UNC5C: variants seen among roughly 807,000 people sequenced by gnomAD.
The protein encoded by UNC5C is unc-5 netrin receptor C.
UNC5C carries 47 observed loss-of-function variants against 99.8 expected under a neutral mutation model. The observed-to-expected ratio is 0.47, with a 90% CI of 0.37 to 0.60. The LOEUF is 0.60. Ranked by LOEUF, UNC5C falls within the 20% of genes least tolerant of loss-of-function variation. The pLI is 0.00. For synonymous variants in UNC5C, 487 were observed against 452.2 expected (o/e 1.08, Z -0.98); for missense variants, 1,062 against 1,165.9 (o/e 0.91, Z 1.30).
At chr4:95,169,918 G>A (rs1429703605) in intron 15 of UNC5C, among the ~76,000 whole-genome samples, 1 of 152,190 alleles carries the variant, frequency 6.6e-6, no homozygotes, top group Non-Finnish European at 1.5e-5. Flanking sequence ...GCTTGGCAAA[G>A]TGCATCACAA....
At chr4:95,251,092 C>G (rs1405932457) in intron 4 of UNC5C, among the ~76,000 whole-genome samples, 2 of 152,268 alleles carry the variant, frequency 1.3e-5, no homozygotes, top group Non-Finnish European at 2.9e-5. Context: ...TGGCAACTTA[C>G]CTGCTGCTTT....
chr4:95,165,133 G>C lies in UNC5C; in HGVS notation c.*4101C>G, dbSNP rs1296221634. On this transcript the variant is annotated 3_prime_UTR_variant, in exon 16 of 16. Transcript: ENST00000453304. ...TTTGCCAGGAGAAGTGAAAAGTCTTGATTCCACCCTCAAAACGTTGACTTT... is the reference window on the plus strand; with the variant it reads ...TTTGCCAGGAGAAGTGAAAAGTCTTCATTCCACCCTCAAAACGTTGACTTT... 1 of 152,126 alleles carries C rather than the reference G, an allele frequency of 6.6e-6. No homozygotes were observed. Among genetic ancestry groups the C allele is most frequent in the Admixed American group, 6.6e-5 (1 of 15,266 alleles). The allele number at this position is 152,126 out of a possible 1,614,324, so 9.4% of individuals were successfully genotyped here.
intron 10 of UNC5C, chr4:95,215,922 A>G: frequency 2.3e-6 from 1 of 442,620 alleles, no homozygotes; most frequent in Non-Finnish European, 4.0e-6. Context: ...CCTTCTACCC[A>G]TATTCAAGAT....
intron 7 of UNC5C, among the ~76,000 whole-genome samples, chr4:95,221,185 G>A (rs774096648): frequency 6.6e-6 from 1 of 152,176 alleles, no homozygotes; most frequent in Non-Finnish European, 1.5e-5. Flanking sequence ...ACATTTTTAA[G>A]TCTCTGTTTT....
At chr4:95,452,181 C>T (rs1365709364) in intron 1 of UNC5C, among the ~76,000 whole-genome samples, 2 of 152,032 alleles carry the variant, frequency 1.3e-5, no homozygotes, top group East Asian at 1.9e-4. Context: ...GAAAAGTACT[C>T]GTTAACAAGA....
In UNC5C at chr4:95,534,506, T is replaced by C. The variant is rs1406417537; in HGVS notation, c.124+14228A>G. ...TTCTTTGTAGCTGAAAGGTTTTTTC[T>C]TTATTCATATTATTTTTCAAAATAA... On this transcript the variant is annotated intron_variant, in intron 1 of 15. Transcript: ENST00000453304. Among the ~76,000 whole-genome samples the C allele has an allele frequency of 3.3e-5, 5 of 152,292 alleles. No individual in the cohort carries two copies. In the East Asian group the frequency reaches 9.6e-4, roughly 29 times the overall value.
chr4:95,253,758 T>A (rs1739845739), intron 4 of UNC5C, among the ~76,000 whole-genome samples: 1 of 152,128 alleles, frequency 6.6e-6, no homozygotes, highest in Non-Finnish European at 1.5e-5. Context: ...GCCAGCCATA[T>A]CACAGCACTC....
At chr4:95,367,655 T>C (rs936251550) in intron 1 of UNC5C, among the ~76,000 whole-genome samples, 1 of 152,180 alleles carries the variant, frequency 6.6e-6, no homozygotes, top group African/African-American at 2.4e-5. Flanking sequence ...ATATTAATTA[T>C]GTTACCTTGA....
chr4:95,182,754 T>C, intron 14 of UNC5C, 143 bp downstream of exon 14: 1 of 821,812 alleles, frequency 1.2e-6, no homozygotes, highest in East Asian at 2.7e-5. Flanking sequence ...ATTACAAATA[T>C]TATTCTATTA....
chr4:95,331,810 T>G (rs1341436665), intron 2 of UNC5C, among the ~76,000 whole-genome samples: 1 of 152,124 alleles, frequency 6.6e-6, no homozygotes, highest in Non-Finnish European at 1.5e-5. Flanking sequence ...TGTGGGTGTG[T>G]TACCAACATA....
intron 4 of UNC5C, among the ~76,000 whole-genome samples, chr4:95,257,742 T>A (rs1468344891): frequency 6.6e-6 from 1 of 152,244 alleles, no homozygotes; most frequent in African/African-American, 2.4e-5. Context: ...GTTTTTCTCT[T>A]AAAGTTTTGA....
chr4:95,335,596 G>A lies in UNC5C; in HGVS notation c.160C>T (p.Pro54Ser), dbSNP rs754219253. The A allele has an allele frequency of 4.3e-6, 7 of 1,610,438 alleles. No individual in the cohort carries two copies. The highest frequency in any genetic ancestry group is 2.7e-5 in the African/African-American group (2 of 74,724). Residue 54 changes from proline to serine, a missense_variant, in exon 2 of 16, where the codon CCT (proline) becomes TCT (serine). Pro to Ser is a moderately conservative substitution (Grantham distance 74). Coordinates refer to ENST00000453304, the MANE Select transcript of UNC5C (RefSeq NM_003728.4). The part of the protein sequence containing the change: ...DFFHELPETF[P>S]SDPPEPLPHF... Reference sequence around the variant, plus strand: ...GGCAGAGGCTCAGGTGGATCAGAAGGAAAAGTTTCTGGGAGTTCATGAAAA... The same window carrying A: ...GGCAGAGGCTCAGGTGGATCAGAAGAAAAAGTTTCTGGGAGTTCATGAAAA...
Position 95,219,016 on chromosome 4 carries a change from A to T in UNC5C, c.1598T>A (p.Phe533Tyr). ...ARQTDPSCTA[F>Y]GSFNSLGGHL... is the part of the protein sequence containing the mutation. Reference sequence around the variant, plus strand: ...ACCTCCCAGCGAGTTGAAGCTGCCAAATGCGGTACAGGATGGATCAGTCTG... The same window carrying T: ...ACCTCCCAGCGAGTTGAAGCTGCCATATGCGGTACAGGATGGATCAGTCTG... The change falls in exon 9 of 16, where the codon TTT becomes TAT. Residue 533 changes from phenylalanine (F) to tyrosine (Y), a missense_variant. Transcript: ENST00000453304. 6.2e-7 allele frequency: 1 copy of T among 1,613,666 alleles called. No homozygotes were observed. The highest frequency in any genetic ancestry group is 8.5e-7 in the Non-Finnish European group (1 of 1,179,672).
At chr4:95,301,583 G>T in intron 3 of UNC5C, 23 bp downstream of exon 3, 2 of 1,613,522 alleles carry the variant, frequency 1.2e-6, no homozygotes, top group African/African-American at 1.3e-5. Context: ...GAGACCCAAG[G>T]TGCTTATTGT....
chr4:95,348,733 T>A (rs529387081), intron 1 of UNC5C, among the ~76,000 whole-genome samples: 1 of 151,342 alleles, frequency 6.6e-6, no homozygotes, highest in African/African-American at 2.4e-5. Context: ...AGAAATCCAA[T>A]GAAAACTACA....
In UNC5C at chr4:95,392,106, C is replaced by A. The variant is rs1745379349; in HGVS notation, c.125-56475G>T. 2.0e-5 allele frequency among the ~76,000 whole-genome samples: 3 copies of A among 152,082 alleles called. No homozygotes were observed. In the South Asian group the frequency reaches 6.2e-4, roughly 32 times the overall value. On this transcript the variant is annotated intron_variant, in intron 1 of 15. Coordinates refer to ENST00000453304, the MANE Select transcript of UNC5C (RefSeq NM_003728.4). ...TATTCTTTTAATGTAGGTTGAAAAA[C>A]AAATGAGTATTTTTTACAGAAATGT...
chr4:95,249,533 T>C lies in UNC5C; in HGVS notation c.775+954A>G, dbSNP rs143368238. 1.2e-3 allele frequency among the ~76,000 whole-genome samples: 180 copies of C among 152,264 alleles called. 1 individual carries two copies. Among genetic ancestry groups the C allele is most frequent in the African/African-American group, 4.0e-3 (168 of 41,554 alleles). ...TAGAGGTCTAACATTGTGAGAAATA[T>C]GTAAATATATAGACCAGTCTCTCAG... On this transcript the variant is annotated intron_variant, in intron 5 of 15. Transcript: ENST00000453304.
At chr4:95,331,300 G>C (rs1743101560) in intron 2 of UNC5C, among the ~76,000 whole-genome samples, 1 of 152,178 alleles carries the variant, frequency 6.6e-6, no homozygotes, top group East Asian at 1.9e-4. Context: ...GTATCTTTTT[G>C]ATGTAATGAT....
Position 95,173,604 on chromosome 4 carries a change from G to C in UNC5C, c.2452-3272C>G, listed in dbSNP as rs1430868405. ...CAGGGATGAAGCCCACTTGATCATG[G>C]TGGATAAGCTTTTTGATGTGCTGCT... On this transcript the variant is annotated intron_variant, in intron 14 of 15. Transcript: ENST00000453304. Among the ~76,000 whole-genome samples, 302 of 145,078 alleles carry C rather than the reference G, an allele frequency of 2.1e-3. 1 individual carries two copies. The highest frequency in any genetic ancestry group is 7.4e-3 in the African/African-American group (291 of 39,296).
Sources: gnomAD v4.1 joint callset for allele counts (sites outside exome capture counted in the v4.1 genomes callset) on GRCh38, gnomAD v4.1.1 for gene constraint, MANE v1.5 for transcripts, NCBI Gene and HGNC (gene_info 2026-07-23, HGNC 2026-07-21) for gene names.